The following MALRD1 variants were observed in gnomAD, a reference collection of about 807,000 sequenced individuals.
MALRD1 encodes MAM and LDL receptor class A domain containing 1.
MALRD1 carries 247 observed loss-of-function variants against 242.1 expected under a neutral mutation model. That is an observed-to-expected ratio of 1.02 (90% confidence interval 0.92 to 1.13). The LOEUF is 1.13. Ranked by LOEUF, MALRD1 falls within the 50% of genes most tolerant of loss-of-function variation. The pLI is 0.00. For missense variants in MALRD1, 2,989 were observed against 2,533.1 expected, an observed-to-expected ratio of 1.18 and a Z score of -3.86; for synonymous variants, 995 against 866.6, an observed-to-expected ratio of 1.15 and a Z score of -2.60.
chr10:19,164,286 G>A (rs771349057), intron 12 of MALRD1, among the ~76,000 whole-genome samples: 38 of 151,826 alleles, frequency 2.5e-4, no homozygotes, highest in Non-Finnish European at 4.4e-4. Flanking sequence ...TTTTAAAAAA[G>A]CATTTAAAAC....
At position 19,280,094 on chromosome 10, in the gene MALRD1, G is replaced by A; in HGVS notation, c.3127G>A (p.Val1043Ile). Reference protein sequence around the residue: ...LPTPPETSVPVTLPPHNCTDN... With the variant: ...LPTPPETSVPITLPPHNCTDN... ...AACTCCACCAGAAACGTCAGTTCCT[G>A]TAACATTACCTCCACACAACTGCAC... Residue 1043 changes from valine (V) to isoleucine (I), a missense_variant, in exon 20 of 40, where the codon GTA becomes ATA. Transcript: ENST00000454679. 6.5e-7 allele frequency: 1 copy of A among 1,535,408 alleles called. No homozygotes were observed. The highest frequency in any genetic ancestry group is 1.2e-5 in the South Asian group (1 of 81,296).
chr10:19,475,677 G>T (rs1387305191), intron 29 of MALRD1, among the ~76,000 whole-genome samples: 1 of 152,140 alleles, frequency 6.6e-6, no homozygotes, highest in African/African-American at 2.4e-5. Flanking sequence ...GCTGTGATTA[G>T]ACTTGTTTGT....
chr10:19,242,678 C>T (rs1338458845), intron 18 of MALRD1, among the ~76,000 whole-genome samples: 1 of 151,992 alleles, frequency 6.6e-6, no homozygotes, highest in Non-Finnish European at 1.5e-5. Flanking sequence ...TGTCATTATA[C>T]AGTGACATTC....
At chr10:19,381,162 C>T (rs11009672) in intron 26 of MALRD1, among the ~76,000 whole-genome samples, 94,060 of 147,636 alleles carry the variant, frequency 0.64, 30,370 homozygotes, top group African/African-American at 0.74. Flanking sequence ...ATGCGGTGTT[C>T]GGTTTTTTGT....
chr10:19,432,968 C>T lies in MALRD1; in HGVS notation c.4846-17339C>T, dbSNP rs184120306. On this transcript the variant is annotated intron_variant, in intron 28 of 39. Transcript: ENST00000454679. The stretch of plus-strand genomic sequence containing the variant: ...TTCCATGCACACTCATTATCTCTTA[C>T]GTAATACACTTGTAATGCGTCTGCA... Among the ~76,000 whole-genome samples, 7 of 152,278 alleles carry T rather than the reference C, an allele frequency of 4.6e-5. No homozygotes were observed. The South Asian group carries it at 6.2e-4, about 14-fold the overall frequency.
intron 2 of MALRD1, among the ~76,000 whole-genome samples, chr10:19,084,224 CAG>C (rs1215870576): frequency 1.3e-5 from 2 of 151,912 alleles, no homozygotes; most frequent in South Asian, 2.1e-4. Context: ...TCAAAGGAAA[CAG>C]AATTTAATAA....
At chr10:19,281,268 G>A (rs1840795085) in intron 20 of MALRD1, among the ~76,000 whole-genome samples, 1 of 152,122 alleles carries the variant, frequency 6.6e-6, no homozygotes, top group Non-Finnish European at 1.5e-5. Context: ...TGGAAGGTGT[G>A]GTGGTGTTCA....
chr10:19,091,726 T>C (rs2131305413), intron 4 of MALRD1, among the ~76,000 whole-genome samples: 1 of 90,952 alleles, frequency 1.1e-5, no homozygotes, highest in South Asian at 3.8e-4. Flanking sequence ...TGTAGGCATT[T>C]AGTGCTATAA....
chr10:19,706,815 T>G (rs1298457268), intron 38 of MALRD1, among the ~76,000 whole-genome samples: 2 of 152,230 alleles, frequency 1.3e-5, no homozygotes, highest in East Asian at 3.9e-4. Context: ...TGAATTTGCA[T>G]TATGTTTGAC....
At chr10:19,413,041 G>A (rs1018708830) in intron 28 of MALRD1, among the ~76,000 whole-genome samples, 1 of 151,582 alleles carries the variant, frequency 6.6e-6, no homozygotes, top group Non-Finnish European at 1.5e-5. Flanking sequence ...GGAAATCTTA[G>A]AAAAAAAATA....
intron 13 of MALRD1, among the ~76,000 whole-genome samples, chr10:19,170,764 T>C (rs1165399127): frequency 6.6e-6 from 1 of 152,156 alleles, no homozygotes; most frequent in Non-Finnish European, 1.5e-5. Flanking sequence ...TTACTTGACA[T>C]GTGACATTCA....
Position 19,230,440 on chromosome 10 carries a change from C to T in MALRD1, c.2991+20760C>T, listed in dbSNP as rs139828136. Among the ~76,000 whole-genome samples the T allele has an allele frequency of 8.5e-5, 13 of 152,180 alleles. No homozygotes were observed. In the East Asian group the frequency reaches 2.3e-3, roughly 27 times the overall value. On this transcript the variant is annotated intron_variant, in intron 18 of 39. Coordinates refer to ENST00000454679, the MANE Select transcript of MALRD1 (RefSeq NM_001142308.3). ...ATGGTGGAAGGTGAAGGGAAACCAG[C>T]ATATCACATGGTGAGAGAGGAAGCA...
At chr10:19,438,207 A>G (rs1222596546) in intron 28 of MALRD1, among the ~76,000 whole-genome samples, 1 of 151,962 alleles carries the variant, frequency 6.6e-6, no homozygotes, top group East Asian at 1.9e-4. Flanking sequence ...ATATAAGTGG[A>G]ATCATGGAGT....
intron 14 of MALRD1, among the ~76,000 whole-genome samples, chr10:19,183,144 G>GA (rs774800873): frequency 3.4e-4 from 33 of 97,756 alleles, no homozygotes; most frequent in Admixed American, 1.1e-3. Flanking sequence ...CTGCTTTTTT[G>GA]AAAAAACTAA....
chr10:19,442,964 T>C (rs1009311052), intron 28 of MALRD1, among the ~76,000 whole-genome samples: 1 of 152,170 alleles, frequency 6.6e-6, no homozygotes, highest in Admixed American at 6.6e-5. Flanking sequence ...TTTTTTTGGT[T>C]GGTAAGCTAT....
intron 27 of MALRD1, chr10:19,389,217 C>G: frequency 1.6e-6 from 1 of 628,892 alleles, no homozygotes; most frequent in East Asian, 3.3e-5. Flanking sequence ...AATATCCCAT[C>G]AGATCAGTTA....
At chr10:19,191,881 C>G (rs1039298267) in intron 14 of MALRD1, among the ~76,000 whole-genome samples, 2 of 151,988 alleles carry the variant, frequency 1.3e-5, no homozygotes, top group Admixed American at 6.6e-5. Flanking sequence ...ATCTGTAATC[C>G]CAGCTACTCA....
intron 14 of MALRD1, among the ~76,000 whole-genome samples, chr10:19,194,971 A>T (rs1237792952): frequency 1.3e-5 from 2 of 152,154 alleles, no homozygotes; most frequent in African/African-American, 4.8e-5. Flanking sequence ...CCAGAAATAC[A>T]TTCACAAGTT....
intron 21 of MALRD1, among the ~76,000 whole-genome samples, chr10:19,319,934 T>C (rs1041958678): frequency 6.6e-6 from 1 of 152,110 alleles, no homozygotes; most frequent in Non-Finnish European, 1.5e-5. Context: ...ATTTAAAACA[T>C]TTAATGCATT....
Sources: allele counts gnomAD v4.1 joint callset (sites outside exome capture counted in the v4.1 genomes callset), GRCh38; gene constraint gnomAD v4.1.1; transcripts MANE v1.5; gene names NCBI Gene and HGNC (gene_info 2026-07-23, HGNC 2026-07-21).